RYR2: variants seen among roughly 807,000 people sequenced by gnomAD.
RYR2 encodes the protein cardiac muscle ryanodine receptor-calcium release channel.
Under a neutral mutation model 601.1 loss-of-function variants are expected in RYR2, and 227 were observed. The observed-to-expected ratio is 0.38, with a 90% CI of 0.34 to 0.42. The LOEUF (loss-of-function observed/expected upper bound fraction) is 0.42, where lower values mean the gene tolerates loss of function less well. RYR2 is among the 10% of genes least tolerant of loss of function. The pLI, the probability that RYR2 is intolerant of heterozygous loss-of-function variation, is 1.00. For synonymous variants in RYR2, 2,223 were observed against 2,175.1 expected, an observed-to-expected ratio of 1.02 and a Z score of -0.61; for missense variants, 4,646 against 6,156.5, an observed-to-expected ratio of 0.75 and a Z score of 8.21.
chr1:237,057,721 T>C lies in RYR2; in HGVS notation c.48+15152T>C, dbSNP rs371871061. ...TCATGAAAGAGACCATAATCTAAGGTTGTAGAGGAGAAGTGGTGATTGATG... is the reference window on the plus strand; with the variant it reads ...TCATGAAAGAGACCATAATCTAAGGCTGTAGAGGAGAAGTGGTGATTGATG... On this transcript the variant is annotated intron_variant, in intron 1 of 104. Coordinates refer to ENST00000366574, the MANE Select transcript of RYR2 (RefSeq NM_001035.3). 3.9e-5 allele frequency among the ~76,000 whole-genome samples: 6 copies of C among 152,010 alleles called. 1 individual carries two copies. The highest frequency in any genetic ancestry group is 3.4e-3 in the Middle Eastern group (1 of 294).
intron 79 of RYR2, among the ~76,000 whole-genome samples, chr1:237,734,292 CAA>C (rs986626392): frequency 3.3e-5 from 5 of 151,990 alleles, no homozygotes; most frequent in South Asian, 4.1e-4. Context: ...TACATGGCGG[CAA>C]GAGAGAGAGA....
intron 41 of RYR2, among the ~76,000 whole-genome samples, chr1:237,630,190 T>G (rs1680104413): frequency 6.6e-6 from 1 of 152,178 alleles, no homozygotes; most frequent in Non-Finnish European, 1.5e-5. Flanking sequence ...TGCTTCTTTT[T>G]GTGGTATTCA....
Position 237,730,312 on chromosome 1 carries a change from A to C in RYR2, c.10891A>C (p.Thr3631Pro). 6.2e-7 allele frequency: 1 copy of C among 1,607,588 alleles called. No individual in the cohort carries two copies. The highest frequency in any genetic ancestry group is 8.5e-7 in the Non-Finnish European group (1 of 1,174,276). The change falls in exon 77 of 105, where the codon ACA becomes CCA. Residue 3631 changes from threonine (T) to proline (P), a missense_variant. Coordinates refer to ENST00000366574, the MANE Select transcript of RYR2 (RefSeq NM_001035.3). ...LQGYEKSWIE[T>P]EEHYFEDKLI... ...GGGATATGAAAAGTCTTGGATTGAA[A>C]CAGAAGAACATTACTTTGAAGATAA...
intron 1 of RYR2, among the ~76,000 whole-genome samples, chr1:237,245,357 G>T (rs371784991): frequency 5.0e-4 from 76 of 152,302 alleles, no homozygotes; most frequent in African/African-American, 1.8e-3. Context: ...GCAATGGCAT[G>T]AGACCATTTC....
Position 237,441,421 on chromosome 1 carries a change from C to T in RYR2, c.1108C>T (p.Leu370=), listed in dbSNP as rs534621173. 135 of 1,611,000 alleles carry T rather than the reference C, an allele frequency of 8.4e-5. 1 individual carries two copies. In the South Asian group the frequency reaches 1.4e-3, roughly 16 times the overall value. Reference sequence around the variant, plus strand: ...CTATATACAACATGTAGACACAGGCCTATGGCTTACTTACCAGTCTGTGGA... The same window carrying T: ...CTATATACAACATGTAGACACAGGCTTATGGCTTACTTACCAGTCTGTGGA... ...VCYIQHVDTG[L]WLTYQSVDVK... The change falls in exon 13 of 105, where the codon CTA becomes TTA. Residue 370 remains leucine (L), a synonymous_variant. Transcript: ENST00000366574.
chr1:237,573,103 C>A (rs1035442789), intron 29 of RYR2, among the ~76,000 whole-genome samples: 1 of 152,034 alleles, frequency 6.6e-6, no homozygotes, highest in Non-Finnish European at 1.5e-5. Flanking sequence ...GTTCGATTTG[C>A]CATTTTTAAC....
intron 29 of RYR2, among the ~76,000 whole-genome samples, chr1:237,582,860 G>A (rs530327538): frequency 3.3e-5 from 5 of 151,850 alleles, no homozygotes; most frequent in South Asian, 4.2e-4. Flanking sequence ...ATTCTGAATC[G>A]TGCTGGGATG....
chr1:237,641,964 A>T (rs767253840), intron 47 of RYR2, among the ~76,000 whole-genome samples: 2 of 148,780 alleles, frequency 1.3e-5, no homozygotes, highest in African/African-American at 2.5e-5. Context: ...ATTCTGTGTT[A>T]TTCTATTATA....
intron 1 of RYR2, among the ~76,000 whole-genome samples, chr1:237,219,475 G>GC (rs765745107): frequency 6.6e-6 from 1 of 152,072 alleles, no homozygotes; most frequent in Non-Finnish European, 1.5e-5. Flanking sequence ...GAACCCTCTT[G>GC]CCCCCGGAGA....
chr1:237,592,920 C>T (rs983263228), intron 32 of RYR2, among the ~76,000 whole-genome samples: 1 of 150,778 alleles, frequency 6.6e-6, no homozygotes, highest in Non-Finnish European at 1.5e-5. Context: ...ACTCGGGAGG[C>T]TGAGGCAGGA....
At chr1:237,221,053 G>A (rs969650385) in intron 1 of RYR2, among the ~76,000 whole-genome samples, 3 of 151,968 alleles carry the variant, frequency 2.0e-5, no homozygotes, top group African/African-American at 7.3e-5. Context: ...CCGAGATCGC[G>A]CCACTGCACT....
intron 17 of RYR2, among the ~76,000 whole-genome samples, chr1:237,471,858 G>A (rs918235092): frequency 1.3e-5 from 2 of 151,432 alleles, no homozygotes; most frequent in African/African-American, 4.9e-5. Flanking sequence ...AGGGAAAGAA[G>A]GACCCTTAGA....
chr1:237,312,269 C>G (rs1174668740), intron 2 of RYR2, among the ~76,000 whole-genome samples: 3 of 152,162 alleles, frequency 2.0e-5, no homozygotes, highest in Non-Finnish European at 4.4e-5. Flanking sequence ...AAACTAGCTC[C>G]TTCCGTGGAA....
At chr1:237,090,793 A>G (rs1370162310) in intron 1 of RYR2, among the ~76,000 whole-genome samples, 3 of 152,196 alleles carry the variant, frequency 2.0e-5, no homozygotes, top group Non-Finnish European at 4.4e-5. Context: ...CAGTTGCAGA[A>G]AATTCACGAG....
intron 87 of RYR2, among the ~76,000 whole-genome samples, chr1:237,775,206 T>C (rs2249179): frequency 0.26 from 39,134 of 152,022 alleles, 5,833 homozygotes; most frequent in African/African-American, 0.42. Context: ...AGAAAAGTTG[T>C]AAAGATAGCA....
In RYR2 at chr1:237,580,155, C is replaced by CTTTTTTTTTTTTTTT. The variant is rs58145628; in HGVS notation, c.3599-9635_3599-9621dup. On this transcript the variant is annotated intron_variant, in intron 29 of 104. Coordinates refer to ENST00000366574, the MANE Select transcript of RYR2 (RefSeq NM_001035.3). ...AGAGCCACGTGAAATCACAACAATT[C>CTTTTTTTTTTTTTTT]TTTTTTTTTTTTTTTTTGAGACGGA... Among the ~76,000 whole-genome samples, 4 of 116,604 alleles carry CTTTTTTTTTTTTTTT rather than the reference C, an allele frequency of 3.4e-5. 1 individual carries two copies. Among genetic ancestry groups the CTTTTTTTTTTTTTTT allele is most frequent in the South Asian group, 3.0e-4 (1 of 3,356 alleles). 76.5% of individuals were successfully genotyped at this position (116,604 alleles called of 152,430 possible). A position where few individuals can be genotyped will look rare whatever the true frequency, so the allele number is the denominator to read the frequency against.
chr1:237,772,118 T>A lies in RYR2; in HGVS notation c.11646+18T>A, dbSNP rs368433873. 4.5e-5 allele frequency: 59 copies of A among 1,320,364 alleles called. No homozygotes were observed. In the African/African-American group the frequency reaches 8.2e-4, roughly 18 times the overall value. 81.8% of individuals were successfully genotyped at this position (1,320,364 alleles called of 1,614,324 possible). ...GAGTTCAGGTATGTTGCTTTCCATA[T>A]TAGTAACAAATTAAAAGGGTTGGTA... On this transcript the variant is annotated intron_variant, in intron 86 of 104. Coordinates refer to ENST00000366574, the MANE Select transcript of RYR2 (RefSeq NM_001035.3).
intron 1 of RYR2, among the ~76,000 whole-genome samples, chr1:237,062,674 AT>A (rs935024498): frequency 6.6e-6 from 1 of 151,850 alleles, no homozygotes; most frequent in African/African-American, 2.4e-5. Flanking sequence ...TGACCATTTT[AT>A]TTTTTGCTTC....
intron 1 of RYR2, among the ~76,000 whole-genome samples, chr1:237,268,709 G>A (rs1689318880): frequency 2.0e-5 from 3 of 151,782 alleles, no homozygotes; most frequent in Admixed American, 6.6e-5. Context: ...AGGCCGAGGC[G>A]GGCGGATCAC....
Sources: gnomAD v4.1 joint callset for allele counts (sites outside exome capture counted in the v4.1 genomes callset) on GRCh38, gnomAD v4.1.1 for gene constraint, MANE v1.5 for transcripts, NCBI Gene and HGNC (gene_info 2026-07-23, HGNC 2026-07-21) for gene names.